The following GNB4 variants were observed in gnomAD, a reference collection of about 807,000 sequenced individuals.
GNB4 encodes guanine nucleotide-binding protein subunit beta-4.
Under a neutral mutation model 45.2 loss-of-function variants are expected in GNB4, and 28 were observed. The observed-to-expected ratio is 0.62, with a 90% CI of 0.46 to 0.85. The LOEUF is 0.85. Among genes scored for constraint, GNB4 ranks in the 40% least tolerant of loss-of-function variants. The pLI is 0.00. For missense variants in GNB4, 321 were observed against 425.4 expected (o/e 0.75, Z 2.16); for synonymous variants, 132 against 143.7 (o/e 0.92, Z 0.58).
chr3:179,468,035 A>AAAAAAAATATATATATAT, the GNB4 span, among the ~76,000 whole-genome samples: 27 of 89,864 alleles, frequency 3.0e-4, 3 homozygotes, highest in African/African-American at 9.6e-4. Context: ...TGTTGATAAA[A>AAAAAAAATATATATATAT]ATATATATAT....
the GNB4 span, among the ~76,000 whole-genome samples, chr3:179,512,411 T>C: frequency 1.3e-5 from 2 of 152,216 alleles, no homozygotes; most frequent in Non-Finnish European, 2.9e-5. Context: ...ATGCTTCAAA[T>C]GCTACATTTA....
upstream of GNB4, chr3:179,451,518 CG>C (rs1465650522): frequency 6.6e-6 from 1 of 150,570 alleles, no homozygotes; most frequent in Non-Finnish European, 1.5e-5. Flanking sequence ...GCGCCGGAGC[CG>C]GGGCGGGGAC....
chr3:179,458,149 C>T, the GNB4 span, among the ~76,000 whole-genome samples: 2 of 152,260 alleles, frequency 1.3e-5, no homozygotes, highest in East Asian at 3.9e-4. Context: ...GTGATCCACC[C>T]GCCTCGGTCT....
At chr3:179,426,065 G>T in intron 2 of GNB4, 79 bp downstream of exon 2, 1 of 1,061,008 alleles carries the variant, frequency 9.4e-7, no homozygotes, top group Non-Finnish European at 1.4e-6. Flanking sequence ...ATTTAATATA[G>T]ACTGATAAAC....
At chr3:179,474,958 T>C in the GNB4 span, among the ~76,000 whole-genome samples, 1 of 151,614 alleles carries the variant, frequency 6.6e-6, no homozygotes, top group Non-Finnish European at 1.5e-5. Flanking sequence ...CGATTCCTTA[T>C]CATTCTGGAT....
upstream of GNB4, among the ~76,000 whole-genome samples, chr3:179,452,135 T>C (rs1036094969): frequency 6.6e-6 from 1 of 152,072 alleles, no homozygotes; most frequent in South Asian, 2.1e-4. Flanking sequence ...CTATTGTCAT[T>C]GATAAAACTG....
intron 1 of GNB4, among the ~76,000 whole-genome samples, chr3:179,446,488 C>T (rs1293453542): frequency 2.6e-5 from 4 of 152,180 alleles, no homozygotes; most frequent in Non-Finnish European, 5.9e-5. Context: ...CATCCTAAGC[C>T]AGATCTCTCT....
At chr3:179,502,482 C>A in the GNB4 span, among the ~76,000 whole-genome samples, 1 of 152,064 alleles carries the variant, frequency 6.6e-6, no homozygotes, top group Non-Finnish European at 1.5e-5. Flanking sequence ...ATCTGCCCAC[C>A]TCAGCCTCCC....
intron 1 of GNB4, chr3:179,437,779 A>C (rs1466015511): frequency 6.6e-6 from 1 of 152,112 alleles, no homozygotes. Context: ...GCACAAAGGC[A>C]GGATAGGCCA....
the GNB4 span, among the ~76,000 whole-genome samples, chr3:179,475,044 G>A: frequency 9.2e-5 from 14 of 152,248 alleles, 1 homozygote; most frequent in South Asian, 2.9e-3. Context: ...GCAGGAGGTG[G>A]AAGGGCAAGC....
chr3:179,489,012 A>ATATATAT, the GNB4 span, among the ~76,000 whole-genome samples: 1 of 51,958 alleles, frequency 1.9e-5, no homozygotes, highest in African/African-American at 1.0e-4. Context: ...AAAAAAAAAA[A>ATATATAT]AAAAAAAATA....
chr3:179,507,177 CTAGTT>C, the GNB4 span, among the ~76,000 whole-genome samples: 1 of 152,214 alleles, frequency 6.6e-6, no homozygotes. Context: ...TGCCACTACC[CTAGTT>C]TAGACTTTCC....
At chr3:179,506,475 A>G in the GNB4 span, among the ~76,000 whole-genome samples, 4 of 152,258 alleles carry the variant, frequency 2.6e-5, no homozygotes, top group Non-Finnish European at 5.9e-5. Context: ...AAAATATTTT[A>G]AAATAAAAAA....
At chr3:179,416,420 A>C in intron 5 of GNB4, 73 bp downstream of exon 5, 1 of 846,456 alleles carries the variant, frequency 1.2e-6, no homozygotes, top group Non-Finnish European at 1.9e-6. Flanking sequence ...TTGAGGTAAA[A>C]GAATAAAGGA....
At chr3:179,488,559 T>G in the GNB4 span, among the ~76,000 whole-genome samples, 1 of 152,174 alleles carries the variant, frequency 6.6e-6, no homozygotes, top group Non-Finnish European at 1.5e-5. Context: ...CTTTTAAAAT[T>G]TATACACTGT....
At chr3:179,487,896 C>A in the GNB4 span, among the ~76,000 whole-genome samples, 4 of 151,932 alleles carry the variant, frequency 2.6e-5, no homozygotes, top group African/African-American at 9.7e-5. Flanking sequence ...CCAAAAAATA[C>A]AAAAATTAGC....
the GNB4 span, among the ~76,000 whole-genome samples, chr3:179,478,992 C>A: frequency 6.6e-6 from 1 of 152,138 alleles, no homozygotes; most frequent in Non-Finnish European, 1.5e-5. Flanking sequence ...CCTGAGGCCT[C>A]CCTAGAAGCA....
chr3:179,501,232 C>A, the GNB4 span, among the ~76,000 whole-genome samples: 1 of 152,082 alleles, frequency 6.6e-6, no homozygotes, highest in African/African-American at 2.4e-5. Context: ...ATTTATAAAT[C>A]TAGCCTAGAC....
intron 2 of GNB4, among the ~76,000 whole-genome samples, chr3:179,423,138 T>C (rs1185513898): frequency 6.6e-6 from 1 of 152,150 alleles, no homozygotes; most frequent in Non-Finnish European, 1.5e-5. Context: ...GAAAAGTACA[T>C]AGTATTTTAC....
Sources: allele counts gnomAD v4.1 joint callset (sites outside exome capture counted in the v4.1 genomes callset), GRCh38; gene constraint gnomAD v4.1.1; transcripts MANE v1.5; gene names NCBI Gene and HGNC (gene_info 2026-07-23, HGNC 2026-07-21).